Variants in NUP37 observed in about 807,000 individuals in gnomAD.
NUP37 encodes nucleoporin Nup37.
A neutral mutation model predicts 45.4 loss-of-function variants in NUP37; 33 were observed. The observed-to-expected ratio is 0.73, with a 90% CI of 0.55 to 0.97. The LOEUF (loss-of-function observed/expected upper bound fraction) is 0.97, where lower values mean the gene tolerates loss of function less well. Among genes scored for constraint, NUP37 ranks in the 50% least tolerant of loss-of-function variants. The pLI, the probability that NUP37 is intolerant of heterozygous loss-of-function variation, is 0.00. For synonymous variants in NUP37, 127 were observed against 130.7 expected (o/e 0.97, Z 0.19); for missense variants, 365 against 389.7 (o/e 0.94, Z 0.53).
Position 102,075,103 on chromosome 12 carries a change from T to C in NUP37, c.774-9A>G, listed in dbSNP as rs1268465334. 3 of 1,564,448 alleles carry C rather than the reference T, an allele frequency of 1.9e-6. No homozygotes were observed. The highest frequency in any genetic ancestry group is 1.7e-5 in the Admixed American group (1 of 57,332). On this transcript the variant is annotated splice_polypyrimidine_tract_variant and intron_variant, in intron 8 of 9. Coordinates refer to ENST00000552283, the MANE Select transcript of NUP37 (RefSeq NM_024057.4). Reference sequence around the variant, plus strand: ...CACTAATTGTGGACCACCTAAGAAATAAGGAAGCGTAAAATTAAGTATCGT... The same window carrying C: ...CACTAATTGTGGACCACCTAAGAAACAAGGAAGCGTAAAATTAAGTATCGT...
chr12:102,088,978 T>C (rs563321080), intron 5 of NUP37, among the ~76,000 whole-genome samples: 4 of 152,340 alleles, frequency 2.6e-5, no homozygotes, highest in South Asian at 2.1e-4. Context: ...CCTTAATCCA[T>C]TTAACCCTGA....
At chr12:102,117,352 A>T (rs888457569) in intron 2 of NUP37, among the ~76,000 whole-genome samples, 3 of 152,088 alleles carry the variant, frequency 2.0e-5, no homozygotes, top group African/African-American at 4.8e-5. Context: ...TGGGAGGCTG[A>T]GGCAGGAGAA....
At chr12:102,092,652 T>C (rs1879688605) in intron 5 of NUP37, among the ~76,000 whole-genome samples, 1 of 152,270 alleles carries the variant, frequency 6.6e-6, no homozygotes, top group East Asian at 1.9e-4. Flanking sequence ...CTAAAATATC[T>C]GGTTTTAAGT....
chr12:102,097,926 C>G (rs530009438), intron 5 of NUP37, among the ~76,000 whole-genome samples: 1 of 152,088 alleles, frequency 6.6e-6, no homozygotes, highest in Non-Finnish European at 1.5e-5. Context: ...GACTCTATCA[C>G]TTTAAAAAGA....
intron 5 of NUP37, among the ~76,000 whole-genome samples, chr12:102,093,620 C>A (rs902468044): frequency 6.6e-6 from 1 of 152,024 alleles, no homozygotes; most frequent in Non-Finnish European, 1.5e-5. Flanking sequence ...GCAACAGTAA[C>A]ACTACCCAGG....
At chr12:102,118,258 T>A (rs77431996) in intron 2 of NUP37, 105 bp downstream of exon 2, 3 of 1,100,544 alleles carry the variant, frequency 2.7e-6, no homozygotes, top group Admixed American at 2.6e-5. Flanking sequence ...TTTTTTTTTT[T>A]AACATTCAAA....
At chr12:102,115,721 A>G (rs570534875) in intron 2 of NUP37, 3 of 504,118 alleles carry the variant, frequency 6.0e-6, no homozygotes, top group Non-Finnish European at 7.7e-6. Flanking sequence ...CAAATTCACT[A>G]TATCTACAAC....
chr12:102,081,215 A>C (rs1879322901), intron 6 of NUP37, among the ~76,000 whole-genome samples: 1 of 152,210 alleles, frequency 6.6e-6, no homozygotes, highest in Non-Finnish European at 1.5e-5. Flanking sequence ...GCACTCAAAA[A>C]ACATTGGCTA....
At position 102,095,521 on chromosome 12, in the gene NUP37, T is replaced by C. The variant is rs1168362248; in HGVS notation, c.449+3585A>G. On this transcript the variant is annotated intron_variant, in intron 5 of 9. Transcript: ENST00000552283. ...GGATCATAAAGAAAATGGTGTAGAA[T>C]ATAAGGCTGAATGACTAGCAACCCC... Among the ~76,000 whole-genome samples, 4 of 152,170 alleles carry C rather than the reference T, an allele frequency of 2.6e-5. No homozygotes were observed. The East Asian group carries it at 7.7e-4, about 29-fold the overall frequency.
intron 1 of NUP37, chr12:102,119,295 A>C (rs1231363734): frequency 6.6e-6 from 1 of 152,242 alleles, no homozygotes; most frequent in East Asian, 1.9e-4. Flanking sequence ...CATCAGGATA[A>C]ATAGCTAATG....
At chr12:102,106,666 A>C (rs1199238436) in intron 3 of NUP37, among the ~76,000 whole-genome samples, 1 of 152,226 alleles carries the variant, frequency 6.6e-6, no homozygotes, top group East Asian at 1.9e-4. Flanking sequence ...ATGAATTATA[A>C]AAATAGGTGC....
At chr12:102,102,779 T>C (rs1019678545) in intron 3 of NUP37, among the ~76,000 whole-genome samples, 1 of 152,250 alleles carries the variant, frequency 6.6e-6, no homozygotes, top group Non-Finnish European at 1.5e-5. Flanking sequence ...ATTCTGCATA[T>C]GGAGTGAAAT....
intron 5 of NUP37, among the ~76,000 whole-genome samples, chr12:102,088,162 C>T (rs1022919193): frequency 3.9e-5 from 6 of 152,104 alleles, no homozygotes; most frequent in Non-Finnish European, 7.4e-5. Context: ...ACTAGTTATC[C>T]TAACTAAATT....
chr12:102,104,085 A>G (rs1880052435), intron 3 of NUP37, among the ~76,000 whole-genome samples: 1 of 152,158 alleles, frequency 6.6e-6, no homozygotes, highest in African/African-American at 2.4e-5. Flanking sequence ...ATACTGACCA[A>G]CAGTATAGAA....
At chr12:102,114,089 G>A (rs1880393109) in intron 2 of NUP37, among the ~76,000 whole-genome samples, 1 of 152,178 alleles carries the variant, frequency 6.6e-6, no homozygotes, top group African/African-American at 2.4e-5. Flanking sequence ...GTGTATAATA[G>A]TTGTATAGCT....
chr12:102,114,077 G>A (rs1880392353), intron 2 of NUP37, among the ~76,000 whole-genome samples: 1 of 152,204 alleles, frequency 6.6e-6, no homozygotes, highest in East Asian at 1.9e-4. Context: ...TTCGTAATTT[G>A]TGTGTATAAT....
intron 6 of NUP37, among the ~76,000 whole-genome samples, chr12:102,083,174 T>C (rs1248840974): frequency 6.6e-6 from 1 of 152,252 alleles, no homozygotes; most frequent in Non-Finnish European, 1.5e-5. Flanking sequence ...ATAAATGTTC[T>C]CATTTGTCAT....
At chr12:102,101,872 C>A (rs1022520446) in intron 3 of NUP37, among the ~76,000 whole-genome samples, 2 of 151,874 alleles carry the variant, frequency 1.3e-5, no homozygotes, top group Non-Finnish European at 2.9e-5. Context: ...TTACAGGCGC[C>A]CACCACCACA....
intron 3 of NUP37, among the ~76,000 whole-genome samples, chr12:102,103,328 T>C (rs1326063781): frequency 1.3e-5 from 2 of 152,200 alleles, no homozygotes; most frequent in African/African-American, 4.8e-5. Context: ...CAGTTAAATT[T>C]ATTCCCAAGA....
Sources: allele counts gnomAD v4.1 joint callset (sites outside exome capture counted in the v4.1 genomes callset), GRCh38; gene constraint gnomAD v4.1.1; transcripts MANE v1.5; gene names NCBI Gene and HGNC (gene_info 2026-07-23, HGNC 2026-07-21).